The following MAGI2 variants were observed in gnomAD, a reference collection of about 807,000 sequenced individuals.
The protein encoded by MAGI2 is membrane associated guanylate kinase, WW and PDZ domain containing 2.
MAGI2 carries 35 observed loss-of-function variants against 133.3 expected under a neutral mutation model. The ratio of observed to expected loss-of-function variants is 0.26; its 90% CI spans 0.20 to 0.35. The LOEUF (loss-of-function observed/expected upper bound fraction) is 0.35. Among genes scored for constraint, MAGI2 ranks in the 10% least tolerant of loss-of-function variants. The probability of loss-of-function intolerance (pLI) is 1.00; values close to 1 mark genes in which losing one functional copy is unlikely to be tolerated. For missense variants in MAGI2, 1,636 were observed against 1,863.4 expected, an observed-to-expected ratio of 0.88 and a Z score of 2.25; for synonymous variants, 729 against 710.6, an observed-to-expected ratio of 1.03 and a Z score of -0.41.
chr7:78,294,224 C>T (rs1797009230), intron 9 of MAGI2, among the ~76,000 whole-genome samples: 1 of 151,856 alleles, frequency 6.6e-6, no homozygotes, highest in Non-Finnish European at 1.5e-5. Context: ...GATACTGTGC[C>T]ATTATTGCTG....
intron 6 of MAGI2, among the ~76,000 whole-genome samples, chr7:78,401,189 A>T (rs1368047997): frequency 3.0e-5 from 2 of 66,868 alleles, no homozygotes; most frequent in Admixed American, 4.6e-4. Context: ...CCAACAACCA[A>T]AAAAAAAAAT....
chr7:79,183,136 A>G, intron 1 of MAGI2, among the ~76,000 whole-genome samples: 1 of 151,910 alleles, frequency 6.6e-6, no homozygotes, highest in Non-Finnish European at 1.5e-5. Flanking sequence ...GTTTGATAGC[A>G]GAGTAGGGTG....
chr7:78,797,160 T>C (rs539306337), intron 2 of MAGI2, among the ~76,000 whole-genome samples: 32 of 152,112 alleles, frequency 2.1e-4, no homozygotes, highest in Admixed American at 3.9e-4. Flanking sequence ...AAAGAAAAGA[T>C]ACATGTTTGA....
chr7:79,350,744 A>C (rs1425955646), intron 1 of MAGI2, among the ~76,000 whole-genome samples: 1 of 152,134 alleles, frequency 6.6e-6, no homozygotes, highest in African/African-American at 2.4e-5. Flanking sequence ...CTTCTTATTA[A>C]AATTTTGAAT....
intron 1 of MAGI2, among the ~76,000 whole-genome samples, chr7:79,347,063 A>G (rs1370375733): frequency 6.6e-6 from 1 of 151,828 alleles, no homozygotes; most frequent in Admixed American, 6.6e-5. Context: ...GACTGCAACA[A>G]TCCTCACCTT....
At chr7:79,043,606 C>T (rs1476058616) in intron 1 of MAGI2, among the ~76,000 whole-genome samples, 3 of 140,658 alleles carry the variant, frequency 2.1e-5, no homozygotes, top group African/African-American at 7.9e-5. Flanking sequence ...TCAACAAAAC[C>T]AAAAGTTGGT....
At chr7:78,279,713 TGTGTGTGTG>T (rs577980912) in intron 9 of MAGI2, among the ~76,000 whole-genome samples, 230 of 152,130 alleles carry the variant, frequency 1.5e-3, no homozygotes, top group Middle Eastern at 6.8e-3. Flanking sequence ...TCTGTGCATG[TGTGTGTGTG>T]GTGTGTGTTG....
chr7:78,387,813 C>G (rs1300487986), intron 6 of MAGI2, among the ~76,000 whole-genome samples: 3 of 152,046 alleles, frequency 2.0e-5, no homozygotes, highest in Admixed American at 6.5e-5. Context: ...GTAGTTGCAG[C>G]TACTCAGGAG....
At chr7:78,641,841 T>C (rs888505424) in intron 2 of MAGI2, among the ~76,000 whole-genome samples, 4 of 152,170 alleles carry the variant, frequency 2.6e-5, no homozygotes, top group Admixed American at 6.5e-5. Context: ...TTTGAAATAA[T>C]ATGAACAAGA....
chr7:79,061,762 A>G (rs1813766944), intron 1 of MAGI2, among the ~76,000 whole-genome samples: 4 of 152,068 alleles, frequency 2.6e-5, no homozygotes, highest in Admixed American at 2.6e-4. Context: ...TCTGGGACCA[A>G]TTAAGGTCTG....
At chr7:79,075,981 A>C (rs1815427187) in intron 1 of MAGI2, among the ~76,000 whole-genome samples, 1 of 152,234 alleles carries the variant, frequency 6.6e-6, no homozygotes, top group Admixed American at 6.5e-5. Context: ...AGCCACTTAC[A>C]TCAATGCTTA....
At chr7:78,036,382 G>C (rs1228972643) in intron 21 of MAGI2, among the ~76,000 whole-genome samples, 2 of 141,950 alleles carry the variant, frequency 1.4e-5, no homozygotes, top group Non-Finnish European at 3.0e-5. Flanking sequence ...CATGGTTTTT[G>C]GCATATAGTA....
intron 1 of MAGI2, among the ~76,000 whole-genome samples, chr7:79,353,103 G>A (rs978215223): frequency 2.6e-5 from 4 of 152,050 alleles, no homozygotes; most frequent in Admixed American, 1.3e-4. Context: ...ACAGGAGGCC[G>A]ATTTAGCTTA....
intron 3 of MAGI2, among the ~76,000 whole-genome samples, chr7:78,596,782 CATCCAAAT>C (rs1804652806): frequency 6.6e-6 from 1 of 152,188 alleles, no homozygotes; most frequent in African/African-American, 2.4e-5. Context: ...TCCTGATTGT[CATCCAAAT>C]GTCATCAAGA....
chr7:79,063,175 C>T (rs1245184339), intron 1 of MAGI2, among the ~76,000 whole-genome samples: 1 of 152,074 alleles, frequency 6.6e-6, no homozygotes, highest in Non-Finnish European at 1.5e-5. Flanking sequence ...CAGTGTGGCT[C>T]ACCTACTTAC....
At chr7:79,332,698 G>T (rs1021984529) in intron 1 of MAGI2, among the ~76,000 whole-genome samples, 7 of 152,154 alleles carry the variant, frequency 4.6e-5, no homozygotes, top group African/African-American at 1.7e-4. Flanking sequence ...TACTGTGCTT[G>T]CAATAAACTA....
At chr7:78,205,525 T>G (rs1829651978) in intron 10 of MAGI2, among the ~76,000 whole-genome samples, 1 of 152,204 alleles carries the variant, frequency 6.6e-6, no homozygotes, top group African/African-American at 2.4e-5. Context: ...AATGAATAAT[T>G]TTTTTGGATG....
intron 2 of MAGI2, among the ~76,000 whole-genome samples, chr7:78,703,037 A>G (rs1224595594): frequency 1.3e-5 from 2 of 152,004 alleles, no homozygotes; most frequent in African/African-American, 4.8e-5. Context: ...TTGGGAGGTA[A>G]CTAAGCAAGG....
chr7:78,512,655 C>T (rs187535821), intron 4 of MAGI2, among the ~76,000 whole-genome samples: 9 of 152,162 alleles, frequency 5.9e-5, no homozygotes, highest in Non-Finnish European at 7.3e-5. Context: ...CCACCTGCCT[C>T]GGCCTCTCAA....
Sources: gnomAD v4.1 joint callset for allele counts (sites outside exome capture counted in the v4.1 genomes callset) on GRCh38, gnomAD v4.1.1 for gene constraint, MANE v1.5 for transcripts, NCBI Gene and HGNC (gene_info 2026-07-23, HGNC 2026-07-21) for gene names.